Variants in FBXW9 observed in about 807,000 individuals in gnomAD.
FBXW9 encodes the protein F-box and WD repeat domain containing 9.
Under a neutral mutation model 55.8 loss-of-function variants are expected in FBXW9, and 38 were observed. That is an observed-to-expected ratio of 0.68 (90% CI 0.53 to 0.89). The LOEUF (loss-of-function observed/expected upper bound fraction) is 0.89. FBXW9 is among the 40% of genes least tolerant of loss of function. The probability of loss-of-function intolerance (pLI) is 0.00; values close to 1 mark genes in which losing one functional copy is unlikely to be tolerated. For synonymous variants in FBXW9, 289 were observed against 278.2 expected (o/e 1.04, Z -0.38); for missense variants, 590 against 619.4 (o/e 0.95, Z 0.50).
chr19:12,694,990 T>A (rs2025056912), intron 1 of FBXW9, 52 bp from the exon 2 acceptor site: 1 of 1,578,726 alleles, frequency 6.3e-7, no homozygotes, highest in African/African-American at 1.3e-5. Flanking sequence ...CTAGCACCCA[T>A]GCCAGCTGGC....
chr19:12,690,315 G>A (rs1343381255), intron 5 of FBXW9: 16 of 763,604 alleles, frequency 2.1e-5, no homozygotes, highest in African/African-American at 8.6e-5. Context: ...GCCCATCCCC[G>A]TCCACATCCC....
rs1295958981 is a variant in FBXW9, at chr19:12,696,162, G to T, written c.409+11C>A. ...CCCGGCCCCCGGTCCCCGGCCCCCG[G>T]CCCCGCGCACCTTCCACCACTGGGT... is the stretch of plus-strand genomic sequence containing the variant. On this transcript the variant is annotated intron_variant, in intron 1 of 9. Coordinates refer to ENST00000393261, the MANE Select transcript of FBXW9 (RefSeq NM_032301.3). 3.6e-5 allele frequency: 55 copies of T among 1,512,408 alleles called. No individual in the cohort carries two copies. In the East Asian group the frequency reaches 1.3e-3, roughly 36 times the overall value. The allele number at this position is 1,512,408 out of a possible 1,614,324, so 93.7% of individuals were successfully genotyped here. A position where few individuals can be genotyped will look rare whatever the true frequency, so the allele number is the denominator to read the frequency against.
At position 12,696,402 on chromosome 19, in the gene FBXW9, C is replaced by T. The variant is rs1280968487; in HGVS notation, c.180G>A (p.Pro60=). 1.9e-6 allele frequency: 3 copies of T among 1,611,920 alleles called. No individual in the cohort carries two copies. The highest frequency in any genetic ancestry group is 1.3e-5 in the African/African-American group (1 of 75,046). The change falls in exon 1 of 10, where the codon CCG becomes CCA. Residue 60 remains proline, a synonymous_variant. Transcript: ENST00000393261. ...PSQLSTPAAS[P]SASEPRAASR... ...ACGCGGCCCGAGGCTCCGAAGCGCT[C>T]GGGGACGCGGCGGGTGTGGATAGCT... is the stretch of plus-strand genomic sequence containing the variant.
At chr19:12,696,151 C>T (rs1479682906) in intron 1 of FBXW9, 22 bp downstream of exon 1, 2 of 1,499,060 alleles carry the variant, frequency 1.3e-6, no homozygotes, top group Non-Finnish European at 1.8e-6. Context: ...GCCCCCGGTC[C>T]CCGGCCCCCG....
chr19:12,691,073 A>T, intron 5 of FBXW9, 93 bp downstream of exon 5: 1 of 1,100,118 alleles, frequency 9.1e-7, no homozygotes, highest in Non-Finnish European at 1.4e-6. Context: ...GTATTTGGTT[A>T]AGTGACTATG....
At position 12,690,165 on chromosome 19, in the gene FBXW9, C is replaced by T; in HGVS notation, c.884-55G>A. ...ATATCAGAGCCCCTCGAAGGCCCCCCCCAGCCCATGAGAGCATCCCGGGTC... is the reference window on the plus strand; with the variant it reads ...ATATCAGAGCCCCTCGAAGGCCCCCTCCAGCCCATGAGAGCATCCCGGGTC... On this transcript the variant is annotated intron_variant, in intron 5 of 9. Coordinates refer to ENST00000393261, the MANE Select transcript of FBXW9 (RefSeq NM_032301.3). The T allele has an allele frequency of 1.9e-6, 3 of 1,609,092 alleles. No homozygotes were observed. In the South Asian group the frequency reaches 3.3e-5, roughly 18 times the overall value.
intron 1 of FBXW9, 22 bp from the exon 2 acceptor site, chr19:12,694,960 G>T (rs776852766): frequency 6.2e-7 from 1 of 1,606,688 alleles, no homozygotes; most frequent in Non-Finnish European, 8.5e-7. Flanking sequence ...CACGAGTAGG[G>T]TGCCCAGTGG....
In FBXW9 at chr19:12,689,107, G is replaced by A. The variant is rs963619758; in HGVS notation, c.*109C>T. ...CCCGAATGTGGCTGGGACTCCTTGT[G>A]CCCTAGGCCCACGGGGCGGAGGCAG... On this transcript the variant is annotated 3_prime_UTR_variant, in exon 10 of 10. Coordinates refer to ENST00000393261, the MANE Select transcript of FBXW9 (RefSeq NM_032301.3). The surrounding 1 kb of genome is among the most constrained non-coding windows in gnomAD (Gnocchi z 5.9). 1.4e-5 allele frequency: 13 copies of A among 910,392 alleles called. No homozygotes were observed. Among genetic ancestry groups the A allele is most frequent in the African/African-American group, 6.5e-5 (4 of 61,298 alleles). 56.4% of individuals were successfully genotyped at this position (910,392 alleles called of 1,614,324 possible).
At chr19:12,695,168 G>T (rs184294955) in intron 1 of FBXW9, among the ~76,000 whole-genome samples, 34 of 152,270 alleles carry the variant, frequency 2.2e-4, no homozygotes, top group South Asian at 2.1e-4. Flanking sequence ...TCCAGAAATT[G>T]GGAACTGGGG....
intron 3 of FBXW9, 51 bp from the exon 4 acceptor site, chr19:12,691,505 C>T (rs1166223846): frequency 1.4e-6 from 2 of 1,454,858 alleles, no homozygotes; most frequent in South Asian, 2.4e-5. Context: ...ATGGGGGTCC[C>T]AGACTGGGAT....
In FBXW9 at chr19:12,689,675, G is replaced by C; in HGVS notation, c.1147-45C>G. The stretch of plus-strand genomic sequence containing the variant: ...CAACACTCAGTCGAGGCTCTCCCAA[G>C]GCCCGCCCTCCCCCACACCACCAGG... On this transcript the variant is annotated intron_variant, in intron 7 of 9. Coordinates refer to ENST00000393261, the MANE Select transcript of FBXW9 (RefSeq NM_032301.3). This position sits in a 1 kb window ranked among gnomAD's most constrained non-coding sequence, Gnocchi z 5.9. 1 of 1,609,954 alleles carries C rather than the reference G, an allele frequency of 6.2e-7. No homozygotes were observed. Among genetic ancestry groups the C allele is most frequent in the African/African-American group, 1.3e-5 (1 of 74,940 alleles).
rs759670698 is a variant in FBXW9, at chr19:12,689,399, G to A, written c.1275C>T (p.Thr425=). The change falls in exon 9 of 10, where the codon ACC becomes ACT. Residue 425 remains threonine (T), a synonymous_variant. Transcript: ENST00000393261. The surrounding 1 kb of genome is among the most constrained non-coding windows in gnomAD (Gnocchi z 5.9). Reference sequence around the variant, plus strand: ...TATTGAGCCCATTGTCATGCCTTCGGGTGCAAATGGTCCTTGGTGGGTCTG... The same window carrying A: ...TATTGAGCCCATTGTCATGCCTTCGAGTGCAAATGGTCCTTGGTGGGTCTG... ...VPTDPPRTIC[T]RRHDNGLNRV... The A allele has an allele frequency of 1.2e-6, 2 of 1,614,170 alleles. No individual in the cohort carries two copies. The highest frequency in any genetic ancestry group is 2.2e-5 in the East Asian group (1 of 44,892).
chr19:12,690,226 TC>T, intron 5 of FBXW9, 116 bp from the exon 6 acceptor site: 2 of 1,526,328 alleles, frequency 1.3e-6, no homozygotes, highest in Non-Finnish European at 1.8e-6. Flanking sequence ...ATCTGCTCAT[TC>T]CCCCACCCCA....
chr19:12,693,839 C>T (rs879940563), intron 3 of FBXW9, among the ~76,000 whole-genome samples: 88 of 150,196 alleles, frequency 5.9e-4, no homozygotes, highest in Non-Finnish European at 8.3e-4. Context: ...TGCAGTGGGC[C>T]GAGATCATGC....
chr19:12,689,662 G>T lies in FBXW9; in HGVS notation c.1147-32C>A. On this transcript the variant is annotated intron_variant, in intron 7 of 9. Coordinates refer to ENST00000393261, the MANE Select transcript of FBXW9 (RefSeq NM_032301.3). This position sits in a 1 kb window ranked among gnomAD's most constrained non-coding sequence, Gnocchi z 5.9. ...GAGGAGGATCAGGCAACACTCAGTC[G>T]AGGCTCTCCCAAGGCCCGCCCTCCC... 6.2e-7 allele frequency: 1 copy of T among 1,611,648 alleles called. No homozygotes were observed. Among genetic ancestry groups the T allele is most frequent in the Non-Finnish European group, 8.5e-7 (1 of 1,178,002 alleles).
intron 3 of FBXW9, 97 bp downstream of exon 3, chr19:12,694,497 C>A: frequency 7.4e-7 from 1 of 1,351,440 alleles, no homozygotes. Context: ...TTAGAAAAGT[C>A]AGATTCAAAT....
intron 1 of FBXW9, 138 bp from the exon 2 acceptor site, chr19:12,695,076 A>C (rs1599397463): frequency 1.0e-6 from 1 of 990,268 alleles, no homozygotes; most frequent in South Asian, 1.7e-5. Flanking sequence ...CCCTACTCCC[A>C]CCCCAAGCCG....
Position 12,694,602 on chromosome 19 carries a change from T to G in FBXW9, c.670A>C (p.Thr224Pro), listed in dbSNP as rs2025051158. Residue 224 changes from threonine (T) to proline (P), a missense_variant, in exon 3 of 10, where the codon ACC (threonine) becomes CCC (proline). Thr to Pro is a conservative substitution (Grantham distance 38). Transcript: ENST00000393261. ...CCCACCTGACTCCTCACCTCATGGG[T>G]ACTATTTCGCTTAGTGCCTAAGGTC... is the stretch of plus-strand genomic sequence containing the variant. ...IKTLGTKRNSTHEGWVWSLAA... is the reference protein window; with the variant it reads ...IKTLGTKRNSPHEGWVWSLAA... 1.2e-6 allele frequency: 2 copies of G among 1,614,056 alleles called. No individual in the cohort carries two copies. The highest frequency in any genetic ancestry group is 1.7e-6 in the Non-Finnish European group (2 of 1,179,950).
intron 3 of FBXW9, among the ~76,000 whole-genome samples, chr19:12,693,932 G>A (rs1414048882): frequency 6.6e-6 from 1 of 151,510 alleles, no homozygotes; most frequent in Admixed American, 6.6e-5. Flanking sequence ...ACTCATGCCT[G>A]TAATCCCAGC....
Sources: gnomAD v4.1 joint callset for allele counts (sites outside exome capture counted in the v4.1 genomes callset) on GRCh38, gnomAD v4.1.1 for gene constraint, Gnocchi (gnomAD v3.1) non-coding constraint, MANE v1.5 for transcripts, NCBI Gene and HGNC (gene_info 2026-07-23, HGNC 2026-07-21) for gene names.